SEM1: variants seen among roughly 807,000 people sequenced by gnomAD.
SEM1 encodes the protein SEM1 26S proteasome subunit, also known as 26S proteasome complex subunit SEM1.
SEM1 carries 3 observed loss-of-function variants against 12.7 expected under a neutral mutation model. The ratio of observed to expected loss-of-function variants is 0.24; its 90% CI spans 0.11 to 0.61. SEM1 has a LOEUF of 0.61. SEM1 is among the 20% of genes least tolerant of loss of function. SEM1 has a pLI of 0.88. For synonymous variants in SEM1, 30 were observed against 27.8 expected (o/e 1.08, Z -0.25); for missense variants, 59 against 81.3 (o/e 0.73, Z 1.06).
rs764918873 is a variant in SEM1, at chr7:96,650,520, C to G, written c.171-27877G>C. ...GACAGCTCAGGGCTTTTTCTCACAG[C>G]TTTAGCATGAAAGGAGAGAAAGATA... On this transcript the variant is annotated intron_variant, in intron 2 of 2. Coordinates refer to the SEM1 transcript ENST00000417009. 6.6e-6 allele frequency: 5 copies of G among 753,666 alleles called. No individual in the cohort carries two copies. In the Admixed American group the frequency reaches 8.7e-5, roughly 13 times the overall value. The allele number at this position is 753,666 out of a possible 1,614,324, so 46.7% of individuals were successfully genotyped here.
At chr7:96,577,476 T>C (rs1450539630) in intron 2 of SEM1, among the ~76,000 whole-genome samples, 4 of 152,066 alleles carry the variant, frequency 2.6e-5, no homozygotes, top group African/African-American at 4.8e-5. Context: ...ATTGATTAAA[T>C]AACAAAACAC....
In SEM1 at chr7:96,626,657, C is replaced by A. The variant is rs60612782; in HGVS notation, c.171-4014G>T. ...ATTCTACTCAGTCATGATGAATGATCTTTCCAATGTTTTGTTGAATTCAAT... is the reference window on the plus strand; with the variant it reads ...ATTCTACTCAGTCATGATGAATGATATTTCCAATGTTTTGTTGAATTCAAT... On this transcript the variant is annotated intron_variant, in intron 2 of 2. Coordinates refer to the SEM1 transcript ENST00000417009. Among the ~76,000 whole-genome samples, 510 of 152,130 alleles carry A rather than the reference C, an allele frequency of 3.4e-3. 14 individuals carry two copies. The East Asian group carries it at 0.064, about 19-fold the overall frequency.
chr7:96,610,864 T>C (rs550678577), intron 2 of SEM1, among the ~76,000 whole-genome samples: 7 of 152,318 alleles, frequency 4.6e-5, no homozygotes, highest in African/African-American at 1.7e-4. Flanking sequence ...AATATGCTGC[T>C]TTGGTATATT....
chr7:96,578,098 C>T (rs1021968858), intron 2 of SEM1, among the ~76,000 whole-genome samples: 1 of 151,976 alleles, frequency 6.6e-6, no homozygotes, highest in Non-Finnish European at 1.5e-5. Flanking sequence ...ACTTTAACAG[C>T]TGATTGGACA....
At chr7:96,492,585 A>ATTTTTTTT (rs59252542) in intron 1 of SEM1, among the ~76,000 whole-genome samples, 1 of 79,676 alleles carries the variant, frequency 1.3e-5, no homozygotes, top group Non-Finnish European at 2.2e-5. Flanking sequence ...AATTTTTTGT[A>ATTTTTTTT]TTTTTTTTTT....
chr7:96,660,352 G>A (rs192589798), intron 2 of SEM1, among the ~76,000 whole-genome samples: 6 of 152,242 alleles, frequency 3.9e-5, no homozygotes, highest in African/African-American at 1.4e-4. Context: ...TTCTCATAGT[G>A]AGAGATTTCA....
chr7:96,571,497 A>T (rs1410022780), intron 2 of SEM1, among the ~76,000 whole-genome samples: 1 of 151,790 alleles, frequency 6.6e-6, no homozygotes, highest in Admixed American at 6.6e-5. Flanking sequence ...CAGGTTTGTC[A>T]AAGATGAGAT....
chr7:96,532,029 C>T (rs1804657310), intron 2 of SEM1, among the ~76,000 whole-genome samples: 1 of 151,978 alleles, frequency 6.6e-6, no homozygotes, highest in Non-Finnish European at 1.5e-5. Flanking sequence ...CTGCTCAGTC[C>T]TCCCTGGGAC....
At chr7:96,694,092 G>A (rs1031003881) in intron 2 of SEM1, among the ~76,000 whole-genome samples, 2 of 151,818 alleles carry the variant, frequency 1.3e-5, no homozygotes, top group Non-Finnish European at 2.9e-5. Context: ...AGGTACGCAC[G>A]CAAGGTCACA....
chr7:96,699,349 T>C (rs1369308977), intron 1 of SEM1, among the ~76,000 whole-genome samples: 1 of 152,164 alleles, frequency 6.6e-6, no homozygotes, highest in Admixed American at 6.6e-5. Flanking sequence ...CTGACTCTAG[T>C]CTTTCTATCT....
At chr7:96,533,944 G>A (rs573209508) in intron 2 of SEM1, among the ~76,000 whole-genome samples, 21 of 152,120 alleles carry the variant, frequency 1.4e-4, no homozygotes, top group Admixed American at 1.3e-3. Context: ...TGGTGAAGCA[G>A]TAAAATAATA....
At chr7:96,577,463 T>C (rs532431661) in intron 2 of SEM1, among the ~76,000 whole-genome samples, 9 of 152,150 alleles carry the variant, frequency 5.9e-5, no homozygotes, top group African/African-American at 2.2e-4. Context: ...TAATTCATAA[T>C]GTATTGATTA....
intron 2 of SEM1, among the ~76,000 whole-genome samples, chr7:96,524,734 C>G (rs997614495): frequency 3.3e-5 from 5 of 151,886 alleles, no homozygotes; most frequent in African/African-American, 1.2e-4. Context: ...TTATTTCATG[C>G]TAGATTTTCA....
chr7:96,629,321 A>C lies in SEM1; in HGVS notation c.171-6678T>G, dbSNP rs541697521. Reference sequence around the variant, plus strand: ...TTTCTAGATCCCGCAGGTATGCTTCATTGCTTTTTTATTCTTTTTTGTGGT... The same window carrying C: ...TTTCTAGATCCCGCAGGTATGCTTCCTTGCTTTTTTATTCTTTTTTGTGGT... On this transcript the variant is annotated intron_variant, in intron 2 of 2. Transcript: ENST00000417009. Among the ~76,000 whole-genome samples the C allele has an allele frequency of 4.0e-5, 6 of 151,838 alleles. No individual in the cohort carries two copies. The East Asian group carries it at 1.2e-3, about 30-fold the overall frequency.
At chr7:96,599,070 A>C (rs1168596848) in intron 2 of SEM1, among the ~76,000 whole-genome samples, 1 of 152,078 alleles carries the variant, frequency 6.6e-6, no homozygotes, top group Non-Finnish European at 1.5e-5. Context: ...GGAAGGAAGG[A>C]AGAAGGAAGG....
chr7:96,657,174 T>TTTTG (rs1281618412), intron 2 of SEM1, among the ~76,000 whole-genome samples: 4 of 152,160 alleles, frequency 2.6e-5, no homozygotes, highest in Non-Finnish European at 4.4e-5. Context: ...AATAACAGTT[T>TTTTG]TTTGTTAGAT....
chr7:96,558,594 A>C (rs1805601719), intron 2 of SEM1, among the ~76,000 whole-genome samples: 1 of 152,198 alleles, frequency 6.6e-6, no homozygotes, highest in African/African-American at 2.4e-5. Flanking sequence ...AGAGCTGTCT[A>C]CGAAGACAGA....
intron 1 of SEM1, among the ~76,000 whole-genome samples, chr7:96,487,568 G>C (rs1802825418): frequency 1.3e-5 from 2 of 150,064 alleles, no homozygotes; most frequent in South Asian, 4.1e-4. Flanking sequence ...ACTCATTTGA[G>C]CCTTACGACT....
intron 2 of SEM1, among the ~76,000 whole-genome samples, chr7:96,533,733 G>A (rs965843742): frequency 2.0e-5 from 3 of 152,130 alleles, no homozygotes; most frequent in African/African-American, 7.2e-5. Context: ...GGGTTCAAAA[G>A]TATTTTCATA....
Sources: gnomAD v4.1 joint callset for allele counts (sites outside exome capture counted in the v4.1 genomes callset) on GRCh38, gnomAD v4.1.1 for gene constraint, MANE v1.5 for transcripts, NCBI Gene and HGNC (gene_info 2026-07-23, HGNC 2026-07-21) for gene names.